FOXP2: variants seen among roughly 807,000 people sequenced by gnomAD.
FOXP2 encodes the protein forkhead box P2.
In FOXP2, 12 loss-of-function variants were observed where a neutral mutation model predicts 115.8. The ratio of observed to expected loss-of-function variants is 0.10; its 90% CI spans 0.07 to 0.17. FOXP2 has a LOEUF of 0.17. FOXP2 is among the 10% of genes least tolerant of loss of function. FOXP2 has a pLI of 1.00. For synonymous variants in FOXP2, 328 were observed against 297.7 expected (o/e 1.10, Z -1.05); for missense variants, 629 against 843.5 (o/e 0.75, Z 3.15).
At chr7:114,400,462 A>C (rs1006800371) in intron 2 of FOXP2, among the ~76,000 whole-genome samples, 2 of 152,210 alleles carry the variant, frequency 1.3e-5, no homozygotes, top group Non-Finnish European at 2.9e-5. Context: ...CTATCAGAAT[A>C]GATGTTAAAG....
intron 2 of FOXP2, among the ~76,000 whole-genome samples, chr7:114,480,627 G>T (rs1472746547): frequency 6.8e-6 from 1 of 147,448 alleles, no homozygotes; most frequent in South Asian, 2.1e-4. Flanking sequence ...ATATATACAT[G>T]TATACATATG....
chr7:114,637,416 G>T (rs1385707738), intron 6 of FOXP2, among the ~76,000 whole-genome samples: 1 of 152,046 alleles, frequency 6.6e-6, no homozygotes. Context: ...TGAAATAAGA[G>T]AAACCGAATA....
chr7:114,183,884 T>C (rs758710248), intron 1 of FOXP2, among the ~76,000 whole-genome samples: 3 of 152,174 alleles, frequency 2.0e-5, no homozygotes, highest in South Asian at 4.1e-4. Flanking sequence ...AGTGTTTTGT[T>C]GGGTCCAGAT....
At chr7:114,664,542 A>G in intron 16 of FOXP2, 106 bp downstream of exon 16, 1 of 1,337,488 alleles carries the variant, frequency 7.5e-7, no homozygotes, top group Non-Finnish European at 1.0e-6. Context: ...TGAAAATACA[A>G]ATTTAAGTGG....
chr7:114,539,671 C>A (rs538123760), intron 3 of FOXP2, among the ~76,000 whole-genome samples: 53 of 152,038 alleles, frequency 3.5e-4, no homozygotes, highest in African/African-American at 1.2e-3. Context: ...ATGAAATAGG[C>A]AAATTTAAAA....
intron 3 of FOXP2, among the ~76,000 whole-genome samples, chr7:114,589,149 C>A (rs1284206943): frequency 6.6e-6 from 1 of 152,158 alleles, no homozygotes; most frequent in Non-Finnish European, 1.5e-5. Context: ...TTGCAAGATT[C>A]TTAAAGCTTT....
At chr7:114,583,711 T>C (rs1444480064) in intron 3 of FOXP2, among the ~76,000 whole-genome samples, 1 of 152,218 alleles carries the variant, frequency 6.6e-6, no homozygotes, top group Non-Finnish European at 1.5e-5. Context: ...AACAGCAGAA[T>C]TTCAGGAATT....
At chr7:114,370,802 C>T (rs1341995330) in intron 2 of FOXP2, among the ~76,000 whole-genome samples, 1 of 151,952 alleles carries the variant, frequency 6.6e-6, no homozygotes. Context: ...TTTGTTTGTA[C>T]TTGTGACCAG....
chr7:114,112,057 C>T (rs1224663094), intron 1 of FOXP2, among the ~76,000 whole-genome samples: 3 of 152,010 alleles, frequency 2.0e-5, no homozygotes, highest in African/African-American at 7.2e-5. Flanking sequence ...GTACTAAAAC[C>T]ACTGCCTGTA....
chr7:114,420,602 T>G (rs1793575190), intron 1 of FOXP2, among the ~76,000 whole-genome samples: 1 of 151,880 alleles, frequency 6.6e-6, no homozygotes. Flanking sequence ...AGTCCTCCTC[T>G]TACATATCTA....
intron 2 of FOXP2, among the ~76,000 whole-genome samples, chr7:114,355,833 C>T (rs572917812): frequency 7.3e-4 from 111 of 152,236 alleles, no homozygotes; most frequent in South Asian, 1.4e-3. Flanking sequence ...CGCTTTCATA[C>T]GTGGTTCTCC....
intron 3 of FOXP2, among the ~76,000 whole-genome samples, chr7:114,570,377 C>T (rs989316380): frequency 1.3e-5 from 2 of 151,674 alleles, no homozygotes; most frequent in Non-Finnish European, 2.9e-5. Context: ...TTCATTTGTA[C>T]TGGTTACAAT....
chr7:114,296,725 A>G (rs1325903918), intron 2 of FOXP2, among the ~76,000 whole-genome samples: 1 of 152,190 alleles, frequency 6.6e-6, no homozygotes, highest in Admixed American at 6.5e-5. Flanking sequence ...TATTTTGAAC[A>G]TCTGATGCAG....
intron 2 of FOXP2, among the ~76,000 whole-genome samples, chr7:114,317,881 A>C (rs1797310277): frequency 6.6e-6 from 1 of 151,996 alleles, no homozygotes; most frequent in African/African-American, 2.4e-5. Flanking sequence ...TAAACACACT[A>C]AGTATGCTCC....
At chr7:114,577,317 A>G (rs1326904699) in intron 3 of FOXP2, among the ~76,000 whole-genome samples, 2 of 151,990 alleles carry the variant, frequency 1.3e-5, no homozygotes, top group South Asian at 2.1e-4. Context: ...CTGAAGCTAC[A>G]TGCTGTACTT....
intron 1 of FOXP2, among the ~76,000 whole-genome samples, chr7:114,157,189 C>G (rs2129149774): frequency 6.6e-6 from 1 of 152,152 alleles, no homozygotes; most frequent in South Asian, 2.1e-4. Context: ...AAGAAAAACA[C>G]AGATGAATAA....
chr7:114,372,338 G>A (rs1028556011), intron 2 of FOXP2, among the ~76,000 whole-genome samples: 1 of 152,042 alleles, frequency 6.6e-6, no homozygotes, highest in Admixed American at 6.6e-5. Context: ...TTTTTTCATA[G>A]ATAGGGTAAC....
chr7:114,344,859 A>G (rs1044677507), intron 2 of FOXP2, among the ~76,000 whole-genome samples: 10 of 151,774 alleles, frequency 6.6e-5, no homozygotes, highest in Admixed American at 2.6e-4. Flanking sequence ...AAAGCATCCA[A>G]ATTTTACACG....
chr7:114,597,047 G>C (rs1401274541), intron 3 of FOXP2, among the ~76,000 whole-genome samples: 1 of 152,010 alleles, frequency 6.6e-6, no homozygotes, highest in Non-Finnish European at 1.5e-5. Flanking sequence ...TCTTTTGGTA[G>C]TGTGTAAGAA....
Sources: allele counts gnomAD v4.1 joint callset (sites outside exome capture counted in the v4.1 genomes callset), GRCh38; gene constraint gnomAD v4.1.1; transcripts MANE v1.5; gene names NCBI Gene and HGNC (gene_info 2026-07-23, HGNC 2026-07-21).